PRKN: variants seen among roughly 807,000 people sequenced by gnomAD.
PRKN encodes parkin RBR E3 ubiquitin protein ligase.
Under a neutral mutation model 59.5 loss-of-function variants are expected in PRKN, and 56 were observed. That is an observed-to-expected ratio of 0.94 (90% CI 0.76 to 1.18). PRKN has a LOEUF of 1.18. PRKN is among the 50% of genes most tolerant of loss of function. The probability of loss-of-function intolerance (pLI) is 0.00; values close to 1 mark genes in which losing one functional copy is unlikely to be tolerated. For synonymous variants in PRKN, 250 were observed against 222.1 expected, an observed-to-expected ratio of 1.13 and a Z score of -1.12; for missense variants, 657 against 596.4, an observed-to-expected ratio of 1.10 and a Z score of -1.06.
chr6:162,002,003 ATC>A (rs1243194901), intron 5 of PRKN, among the ~76,000 whole-genome samples: 2 of 151,782 alleles, frequency 1.3e-5, no homozygotes, highest in Non-Finnish European at 2.9e-5. Context: ...ACCCTTGTAG[ATC>A]TGTCATAGAT....
At chr6:162,353,354 T>C (rs555751279) in intron 2 of PRKN, among the ~76,000 whole-genome samples, 1 of 151,122 alleles carries the variant, frequency 6.6e-6, no homozygotes, top group East Asian at 1.9e-4. Flanking sequence ...TTACTGGAAC[T>C]GCTAAAAAAA....
chr6:162,725,909 T>C (rs1404661328), intron 1 of PRKN, among the ~76,000 whole-genome samples: 1 of 152,212 alleles, frequency 6.6e-6, no homozygotes, highest in East Asian at 1.9e-4. Flanking sequence ...TAATCATTTA[T>C]GTTGTACTGC....
At chr6:162,154,524 GAAA>G (rs5881452) in intron 4 of PRKN, among the ~76,000 whole-genome samples, 4 of 143,170 alleles carry the variant, frequency 2.8e-5, no homozygotes, top group Non-Finnish European at 3.0e-5. Context: ...TACAAAAGGA[GAAA>G]AAAAAAAAAA....
chr6:161,791,946 G>C (rs1226556080), intron 6 of PRKN, among the ~76,000 whole-genome samples: 4 of 152,188 alleles, frequency 2.6e-5, no homozygotes, highest in Non-Finnish European at 5.9e-5. Context: ...GCCTCTGTCT[G>C]TGCTCTTACA....
At chr6:161,833,774 A>G (rs1792618533) in intron 6 of PRKN, among the ~76,000 whole-genome samples, 1 of 152,140 alleles carries the variant, frequency 6.6e-6, no homozygotes, top group South Asian at 2.1e-4. Flanking sequence ...GTGGACACAG[A>G]GGTGGAGAAA....
intron 2 of PRKN, among the ~76,000 whole-genome samples, chr6:162,342,086 T>A (rs1784202977): frequency 6.6e-6 from 1 of 152,170 alleles, no homozygotes; most frequent in Admixed American, 6.6e-5. Flanking sequence ...ATATTTAAGT[T>A]TGAATTATTG....
intron 4 of PRKN, among the ~76,000 whole-genome samples, chr6:162,062,115 G>A (rs1187501175): frequency 6.6e-6 from 1 of 152,162 alleles, no homozygotes; most frequent in Non-Finnish European, 1.5e-5. Context: ...TTGCAGGCAA[G>A]TGCTCCTAAC....
At chr6:161,746,596 CATTATACACACACAT>C (rs1284490933) in intron 7 of PRKN, among the ~76,000 whole-genome samples, 1 of 145,142 alleles carries the variant, frequency 6.9e-6, no homozygotes, top group Non-Finnish European at 1.5e-5. Flanking sequence ...TACACACACA[CATTATACACACACAT>C]ACATAGATAT....
intron 4 of PRKN, among the ~76,000 whole-genome samples, chr6:162,198,791 C>T (rs1200734746): frequency 1.3e-5 from 2 of 151,954 alleles, no homozygotes; most frequent in African/African-American, 4.8e-5. Flanking sequence ...CTCAGCCAAG[C>T]CTTACTGTTC....
intron 2 of PRKN, among the ~76,000 whole-genome samples, chr6:162,389,646 C>A (rs1160281385): frequency 6.6e-6 from 1 of 152,200 alleles, no homozygotes; most frequent in African/African-American, 2.4e-5. Context: ...TAATTTGCTA[C>A]TAATATCTGT....
intron 1 of PRKN, among the ~76,000 whole-genome samples, chr6:162,502,554 T>G (rs935834800): frequency 5.9e-5 from 9 of 152,082 alleles, no homozygotes; most frequent in Admixed American, 4.6e-4. Context: ...CTAAAGCAAA[T>G]TATCATGCCT....
At chr6:162,686,998 C>T (rs182313647) in intron 1 of PRKN, among the ~76,000 whole-genome samples, 2 of 151,920 alleles carry the variant, frequency 1.3e-5, no homozygotes, top group African/African-American at 4.8e-5. Context: ...TTTGCTTAGG[C>T]TTTGCTTTTT....
chr6:161,590,470 C>G (rs956392223), intron 7 of PRKN, among the ~76,000 whole-genome samples: 1 of 152,114 alleles, frequency 6.6e-6, no homozygotes, highest in East Asian at 1.9e-4. Flanking sequence ...TGGTGGCGCA[C>G]GCCTGTAATC....
chr6:161,529,125 T>A lies in PRKN; in HGVS notation c.1083+19729A>T, dbSNP rs1474395116. Among the ~76,000 whole-genome samples, 1 of 152,184 alleles carries A rather than the reference T, an allele frequency of 6.6e-6. No homozygotes were observed. The highest frequency in any genetic ancestry group is 1.5e-5 in the Non-Finnish European group (1 of 68,036). Reference sequence around the variant, plus strand: ...CGAGCCACAACCACAGACTCTACGCTGCGTTCCTCTCCCTAGTCACCGCAT... The same window carrying A: ...CGAGCCACAACCACAGACTCTACGCAGCGTTCCTCTCCCTAGTCACCGCAT... On this transcript the variant is annotated intron_variant, in intron 9 of 11. Coordinates refer to ENST00000366898, the MANE Select transcript of PRKN (RefSeq NM_004562.3). The surrounding 1 kb of genome is among the most constrained non-coding windows in gnomAD (Gnocchi z 4.4).
chr6:162,065,540 A>G (rs1383395129), intron 4 of PRKN, among the ~76,000 whole-genome samples: 1 of 151,518 alleles, frequency 6.6e-6, no homozygotes, highest in Non-Finnish European at 1.5e-5. Flanking sequence ...CCTTGAAACA[A>G]TTCTTTTCTT....
chr6:162,723,712 A>G (rs1361602670), intron 1 of PRKN, among the ~76,000 whole-genome samples: 1 of 152,230 alleles, frequency 6.6e-6, no homozygotes, highest in Non-Finnish European at 1.5e-5. Flanking sequence ...TACGATTTTT[A>G]TTTTACATCT....
intron 1 of PRKN, among the ~76,000 whole-genome samples, chr6:162,516,441 GTTATA>G (rs1201540497): frequency 3.3e-5 from 5 of 152,028 alleles, no homozygotes; most frequent in Admixed American, 2.6e-4. Flanking sequence ...TCACTACTCG[GTTATA>G]TTATATTATT....
At chr6:162,437,848 G>T (rs1426794458) in intron 2 of PRKN, among the ~76,000 whole-genome samples, 1 of 152,122 alleles carries the variant, frequency 6.6e-6, no homozygotes, top group Non-Finnish European at 1.5e-5. Flanking sequence ...CATCAGAGTT[G>T]TTTCCGTGTT....
At chr6:162,393,678 G>A (rs1787333691) in intron 2 of PRKN, among the ~76,000 whole-genome samples, 1 of 152,036 alleles carries the variant, frequency 6.6e-6, no homozygotes, top group Non-Finnish European at 1.5e-5. Flanking sequence ...CACTCAACAT[G>A]GTATTGTGGT....
Sources: gnomAD v4.1 joint callset for allele counts (sites outside exome capture counted in the v4.1 genomes callset) on GRCh38, gnomAD v4.1.1 for gene constraint, Gnocchi (gnomAD v3.1) non-coding constraint, MANE v1.5 for transcripts, NCBI Gene and HGNC (gene_info 2026-07-23, HGNC 2026-07-21) for gene names.